PPFIBP2: variants seen among roughly 807,000 people sequenced by gnomAD.
PPFIBP2 encodes PPFIB scaffold protein 2.
PPFIBP2 carries 118 observed loss-of-function variants against 118.3 expected under a neutral mutation model. The ratio of observed to expected loss-of-function variants is 1.00; its 90% CI spans 0.86 to 1.16. The LOEUF (loss-of-function observed/expected upper bound fraction) is 1.16, where lower values mean the gene tolerates loss of function less well. PPFIBP2 is among the 50% of genes most tolerant of loss of function. The pLI is 0.00. For synonymous variants in PPFIBP2, 414 were observed against 397.4 expected, an observed-to-expected ratio of 1.04 and a Z score of -0.50; for missense variants, 1,195 against 1,073.1, an observed-to-expected ratio of 1.11 and a Z score of -1.59.
chr11:7,550,299 C>T (rs1590203541), intron 2 of PPFIBP2, among the ~76,000 whole-genome samples: 1 of 152,316 alleles, frequency 6.6e-6, no homozygotes, highest in East Asian at 1.9e-4. Context: ...GAACTTTGCT[C>T]TTCATTGTTT....
chr11:7,639,671 A>T, intron 14 of PPFIBP2, 61 bp from the exon 15 acceptor site: 1 of 1,608,512 alleles, frequency 6.2e-7, no homozygotes, highest in Non-Finnish European at 8.5e-7. Context: ...GTATCCAAGG[A>T]TTTCCTAACT....
At chr11:7,640,483 A>G (rs1382807398) in intron 15 of PPFIBP2, among the ~76,000 whole-genome samples, 1 of 152,228 alleles carries the variant, frequency 6.6e-6, no homozygotes, top group Non-Finnish European at 1.5e-5. Flanking sequence ...ACCAGCAGCA[A>G]AAGATTCAAT....
intron 5 of PPFIBP2, chr11:7,605,778 G>T (rs1343023997): frequency 2.9e-6 from 4 of 1,388,130 alleles, no homozygotes; most frequent in Non-Finnish European, 3.7e-6. Flanking sequence ...ACAGATGAAA[G>T]GTCAGAAGAT....
Position 7,632,953 on chromosome 11 carries a change from TC to T in PPFIBP2, c.1136+23del. The T allele has an allele frequency of 6.2e-7, 1 of 1,607,534 alleles. No homozygotes were observed. Among genetic ancestry groups the T allele is most frequent in the Non-Finnish European group, 8.5e-7 (1 of 1,174,504 alleles). On this transcript the variant is annotated intron_variant, in intron 12 of 23. Coordinates refer to ENST00000299492, the MANE Select transcript of PPFIBP2 (RefSeq NM_003621.5). ...AAACCAGGTAAGAGGCCTGGGCATT[TC>T]CCCACAGCCACTGTGCTCTCAGGCT...
intron 1 of PPFIBP2, among the ~76,000 whole-genome samples, chr11:7,539,744 T>C (rs1851584016): frequency 6.6e-6 from 1 of 151,938 alleles, no homozygotes; most frequent in South Asian, 2.1e-4. Context: ...TTGGAGATAA[T>C]GATGATGGAA....
intron 3 of PPFIBP2, among the ~76,000 whole-genome samples, chr11:7,583,102 G>C (rs1287009749): frequency 6.6e-6 from 1 of 151,968 alleles, no homozygotes; most frequent in African/African-American, 2.4e-5. Context: ...ACTCCCTCCT[G>C]GTCACTCCTG....
At chr11:7,577,800 CA>C (rs1025042286) in intron 3 of PPFIBP2, among the ~76,000 whole-genome samples, 2 of 152,074 alleles carry the variant, frequency 1.3e-5, no homozygotes, top group African/African-American at 4.8e-5. Flanking sequence ...TTATAGACAC[CA>C]GGGAGAAAAC....
chr11:7,571,386 A>C (rs1210249016), intron 3 of PPFIBP2, among the ~76,000 whole-genome samples: 4 of 151,558 alleles, frequency 2.6e-5, no homozygotes, highest in Admixed American at 1.3e-4. Flanking sequence ...CAAGAAGCAA[A>C]TCTGTTTACC....
Position 7,653,168 on chromosome 11 carries a change from C to CT in PPFIBP2, c.2583dup (p.Asp862Ter). ...CAGTGGCTACCGGGGCCTCAGCCCC[C>CT]TTGATGCCCCTGAACTGGATGGGCT... On this transcript the variant is annotated frameshift_variant, in exon 24 of 24. Transcript: ENST00000299492. LOFTEE classifies it high-confidence loss of function. The CT allele has an allele frequency of 6.2e-7, 1 of 1,614,208 alleles. No individual in the cohort carries two copies. Among genetic ancestry groups the CT allele is most frequent in the Non-Finnish European group, 8.5e-7 (1 of 1,180,042 alleles).
chr11:7,544,178 C>G (rs1173253451), intron 1 of PPFIBP2, among the ~76,000 whole-genome samples: 6 of 152,208 alleles, frequency 3.9e-5, no homozygotes, highest in African/African-American at 1.2e-4. Flanking sequence ...ACAACATACC[C>G]TGCCTTATCT....
chr11:7,567,888 C>G (rs1189733847), intron 3 of PPFIBP2, among the ~76,000 whole-genome samples: 1 of 152,158 alleles, frequency 6.6e-6, no homozygotes, highest in Non-Finnish European at 1.5e-5. Context: ...CCAGGTGACT[C>G]GTAAGCACAT....
At chr11:7,559,563 G>T (rs1854058488) in intron 2 of PPFIBP2, among the ~76,000 whole-genome samples, 1 of 152,110 alleles carries the variant, frequency 6.6e-6, no homozygotes, top group African/African-American at 2.4e-5. Context: ...GTATGCAGAG[G>T]CCTGTAGGCT....
chr11:7,563,970 C>T (rs1234901420), intron 2 of PPFIBP2, among the ~76,000 whole-genome samples: 1 of 152,054 alleles, frequency 6.6e-6, no homozygotes, highest in Non-Finnish European at 1.5e-5. Flanking sequence ...TTGAGACCAT[C>T]CTGGCTAACA....
Position 7,630,931 on chromosome 11 carries a change from C to A in PPFIBP2, c.971C>A (p.Ser324Ter). Reference protein sequence around the residue: ...KEIVMVTQGPSERTLSINEEE... With the variant: ...KEIVMVTQGP ...ACTACCTTAATGCTTGCAGGGCCTT[C>A]GGAGAGAACTCTCTCAATCAATGAA... Residue 324 changes from serine (S) to a stop codon, truncating the protein, a stop_gained, in exon 11 of 24, where the codon TCG becomes TAG. Coordinates refer to ENST00000299492, the MANE Select transcript of PPFIBP2 (RefSeq NM_003621.5). LOFTEE classifies it high-confidence loss of function. The A allele has an allele frequency of 6.2e-7, 1 of 1,613,400 alleles. No homozygotes were observed. Among genetic ancestry groups the A allele is most frequent in the Non-Finnish European group, 8.5e-7 (1 of 1,179,378 alleles).
intron 22 of PPFIBP2, 62 bp from the exon 23 acceptor site, chr11:7,651,594 A>G: frequency 6.7e-7 from 1 of 1,484,528 alleles, no homozygotes; most frequent in Non-Finnish European, 9.2e-7. Flanking sequence ...GTCTCTCAGC[A>G]TCCTCCCCCT....
At chr11:7,569,668 T>A (rs933286008) in intron 3 of PPFIBP2, among the ~76,000 whole-genome samples, 2 of 152,196 alleles carry the variant, frequency 1.3e-5, no homozygotes, top group Non-Finnish European at 2.9e-5. Flanking sequence ...GAGGCTGTCC[T>A]GCCTGTGGTG....
chr11:7,554,627 C>A (rs555019895), intron 2 of PPFIBP2, among the ~76,000 whole-genome samples: 1 of 151,958 alleles, frequency 6.6e-6, no homozygotes, highest in Admixed American at 6.6e-5. Context: ...TCCAGAGCCA[C>A]GGTGCGATGG....
At chr11:7,666,835 G>C in the PPFIBP2 span, 1 of 282,372 alleles carries the variant, frequency 3.5e-6, no homozygotes, top group Non-Finnish European at 6.8e-6. Flanking sequence ...CCAAGCGCTG[G>C]CCAGGATGGC....
chr11:7,665,207 C>T, the PPFIBP2 span: 2 of 554,760 alleles, frequency 3.6e-6, no homozygotes, highest in Admixed American at 3.7e-5. Flanking sequence ...GTCTCCAGCC[C>T]CTTGAGCCCT....
Sources: allele counts gnomAD v4.1 joint callset (sites outside exome capture counted in the v4.1 genomes callset), GRCh38; gene constraint gnomAD v4.1.1; transcripts MANE v1.5; gene names NCBI Gene and HGNC (gene_info 2026-07-23, HGNC 2026-07-21).